Variants in FBN2 observed in about 807,000 individuals in gnomAD.
FBN2 encodes fibrillin-2.
FBN2 carries 105 observed loss-of-function variants against 355.6 expected under a neutral mutation model. The observed-to-expected ratio is 0.30, with a 90% CI of 0.25 to 0.35. FBN2 has a LOEUF of 0.35. Ranked by LOEUF, FBN2 falls within the 10% of genes least tolerant of loss-of-function variation. The probability of loss-of-function intolerance (pLI) is 1.00; values close to 1 mark genes in which losing one functional copy is unlikely to be tolerated. For missense variants in FBN2, 3,280 were observed against 3,758.7 expected (o/e 0.87, Z 3.33); for synonymous variants, 1,350 against 1,301.2 (o/e 1.04, Z -0.81).
intron 5 of FBN2, among the ~76,000 whole-genome samples, chr5:128,495,250 TGAAAAGCA>T (rs1190058135): frequency 2.6e-5 from 4 of 151,914 alleles, no homozygotes; most frequent in African/African-American, 9.7e-5. Context: ...GTATACAATT[TGAAAAGCA>T]GAGGAAAAAA....
Position 128,259,299 on chromosome 5 carries a change from C to T in FBN2, c.*156G>A, listed in dbSNP as rs1191394923. 2 of 963,432 alleles carry T rather than the reference C, an allele frequency of 2.1e-6. No individual in the cohort carries two copies. The highest frequency in any genetic ancestry group is 3.2e-5 in the African/African-American group (2 of 61,594). 59.7% of individuals were successfully genotyped at this position (963,432 alleles called of 1,614,324 possible). ...TGGCCATACCAGAGTCTAAATTATC[C>T]CTCCCTGTGAGGGTCAACATTCAAA... is the stretch of plus-strand genomic sequence containing the variant. On this transcript the variant is annotated 3_prime_UTR_variant, in exon 65 of 65. Transcript: ENST00000262464.
At chr5:128,321,557 CCTGT>C (rs1449731658) in intron 34 of FBN2, among the ~76,000 whole-genome samples, 1 of 152,156 alleles carries the variant, frequency 6.6e-6, no homozygotes, top group Non-Finnish European at 1.5e-5. Flanking sequence ...GTTTTCTGTT[CCTGT>C]CTTAGTTTGC....
intron 20 of FBN2, among the ~76,000 whole-genome samples, chr5:128,356,049 G>T (rs1212301879): frequency 6.6e-6 from 1 of 152,162 alleles, no homozygotes; most frequent in African/African-American, 2.4e-5. Flanking sequence ...CATTTCCTTT[G>T]CATAATAAAA....
At chr5:128,364,840 A>T in intron 17 of FBN2, 115 bp from the exon 18 acceptor site, 1 of 874,668 alleles carries the variant, frequency 1.1e-6, no homozygotes, top group East Asian at 2.6e-5. Flanking sequence ...GCAAACTCAC[A>T]ATTTGCCTGC....
chr5:128,353,185 T>G (rs886821599), intron 20 of FBN2, among the ~76,000 whole-genome samples: 28 of 149,908 alleles, frequency 1.9e-4, no homozygotes, highest in African/African-American at 6.9e-4. Context: ...AAAAAAAAAG[T>G]TTTTACTTCT....
At chr5:128,289,434 A>C (rs2126819822) in intron 51 of FBN2, among the ~76,000 whole-genome samples, 182 bp from the exon 52 acceptor site, 1 of 152,112 alleles carries the variant, frequency 6.6e-6, no homozygotes, top group South Asian at 2.1e-4. Context: ...AAATACAAAA[A>C]AAAATTAGCC....
rs377657220 is a variant in FBN2, at chr5:128,312,698, T to G, written c.4815A>C (p.Ser1605=). 21 of 1,614,012 alleles carry G rather than the reference T, an allele frequency of 1.3e-5. No homozygotes were observed. Among genetic ancestry groups the G allele is most frequent in the Non-Finnish European group, 1.8e-5 (21 of 1,179,988 alleles). The part of the protein sequence containing the change: ...TEIGVGVSRS[S]CCCSLGKAWG... ...AGGCCTTTCCCAGAGAGCAGCAGCA[T>G]GAAGAGCGACTGACGCCCACCCCGA... The change falls in exon 37 of 65, where the codon TCA becomes TCC. Residue 1605 remains serine (S), a synonymous_variant. Coordinates refer to ENST00000262464, the MANE Select transcript of FBN2 (RefSeq NM_001999.4).
At chr5:128,392,249 T>C (rs935639623) in intron 10 of FBN2, 94 bp from the exon 11 acceptor site, 13 of 1,036,278 alleles carry the variant, frequency 1.3e-5, no homozygotes, top group Non-Finnish European at 1.8e-5. Context: ...GTAAATTAAT[T>C]AGATGTATAT....
chr5:128,522,922 A>G (rs371572063), intron 4 of FBN2, among the ~76,000 whole-genome samples: 106 of 152,314 alleles, frequency 7.0e-4, no homozygotes, highest in African/African-American at 2.5e-3. Flanking sequence ...GATGTACTAC[A>G]GATAGAAGTA....
chr5:128,369,234 A>G lies in FBN2; in HGVS notation c.2196T>C (p.Asn732=). The change falls in exon 16 of 65, where the codon AAT becomes AAC. Residue 732 remains asparagine (N), a synonymous_variant. Coordinates refer to ENST00000262464, the MANE Select transcript of FBN2 (RefSeq NM_001999.4). ...AVTKSECCCA[N]PDYGFGEPCQ... is the part of the protein sequence containing the mutation. Reference sequence around the variant, plus strand: ...AGGGTTCTCCAAAACCATAGTCTGGATTGGCACAGCAGCATTCGGACTTGG... The same window carrying G: ...AGGGTTCTCCAAAACCATAGTCTGGGTTGGCACAGCAGCATTCGGACTTGG... 1 of 1,614,168 alleles carries G rather than the reference A, an allele frequency of 6.2e-7. No individual in the cohort carries two copies. Among genetic ancestry groups the G allele is most frequent in the Non-Finnish European group, 8.5e-7 (1 of 1,180,028 alleles).
chr5:128,291,003 T>C (rs1438224014), intron 49 of FBN2, 119 bp from the exon 50 acceptor site: 3 of 880,654 alleles, frequency 3.4e-6, no homozygotes, highest in Non-Finnish European at 5.4e-6. Flanking sequence ...GGTCTGGAAA[T>C]CTTCGATTGC....
At chr5:128,491,565 G>A (rs1755505361) in intron 5 of FBN2, among the ~76,000 whole-genome samples, 1 of 152,188 alleles carries the variant, frequency 6.6e-6, no homozygotes, top group Non-Finnish European at 1.5e-5. Context: ...TAAGCTTACG[G>A]CTTTGACACA....
chr5:128,471,683 G>C (rs1185040320), intron 5 of FBN2, among the ~76,000 whole-genome samples: 1 of 152,060 alleles, frequency 6.6e-6, no homozygotes, highest in East Asian at 1.9e-4. Context: ...TAATGCATGA[G>C]AGACTGCCTT....
intron 46 of FBN2, 118 bp from the exon 47 acceptor site, chr5:128,301,628 ACTC>A (rs1295404702): frequency 3.2e-6 from 3 of 947,392 alleles, no homozygotes; most frequent in Non-Finnish European, 5.1e-6. Context: ...CCATATTACA[ACTC>A]CTCATCAACA....
In FBN2 at chr5:128,411,442, G is replaced by GCGGA. The variant is rs1279589598; in HGVS notation, c.953-2647_953-2644dup. Among the ~76,000 whole-genome samples the GCGGA allele has an allele frequency of 9.2e-5, 14 of 152,308 alleles. No homozygotes were observed. The East Asian group carries it at 2.7e-3, about 29-fold the overall frequency. On this transcript the variant is annotated intron_variant, in intron 7 of 64. Coordinates refer to ENST00000262464, the MANE Select transcript of FBN2 (RefSeq NM_001999.4). ...TTTCAGTGGGATGGGGAGGTGGAAAGCGGACGGAGTGGGAAGATTATCTTC... is the reference window on the plus strand; with the variant it reads ...TTTCAGTGGGATGGGGAGGTGGAAAGCGGACGGACGGAGTGGGAAGATTATCTTC...
In FBN2 at chr5:128,261,834, C is replaced by A. The variant is rs1227654481; in HGVS notation, c.8266G>T (p.Ala2756Ser). 1 of 1,613,836 alleles carries A rather than the reference C, an allele frequency of 6.2e-7. No homozygotes were observed. Among genetic ancestry groups the A allele is most frequent in the Non-Finnish European group, 8.5e-7 (1 of 1,179,804 alleles). Residue 2756 changes from alanine (A) to serine (S), a missense_variant, in exon 64 of 65, where the codon GCT (alanine) becomes TCT (serine). By Grantham distance (99) the Ala-to-Ser change is moderately conservative. Transcript: ENST00000262464. The stretch of plus-strand genomic sequence containing the variant: ...TCGTAGCATGCTTCTGGGGACAGAG[C>A]ATTTTCCTCATCGACCTCTGTATCC... ...SLDTEVDEENALSPEACYECK... is the reference protein window; with the variant it reads ...SLDTEVDEENSLSPEACYECK...
At chr5:128,419,490 A>AT (rs1753289320) in intron 7 of FBN2, among the ~76,000 whole-genome samples, 1 of 150,902 alleles carries the variant, frequency 6.6e-6, no homozygotes, top group Admixed American at 6.6e-5. Flanking sequence ...TTCTATTCTT[A>AT]TTTTTTTCTT....
chr5:128,355,383 A>T (rs989824885), intron 20 of FBN2, among the ~76,000 whole-genome samples: 5 of 152,230 alleles, frequency 3.3e-5, no homozygotes, highest in Admixed American at 6.5e-5. Flanking sequence ...ATTACATTTA[A>T]CCATATTCAA....
intron 5 of FBN2, among the ~76,000 whole-genome samples, chr5:128,489,066 G>A (rs1457297254): frequency 2.6e-5 from 4 of 151,918 alleles, no homozygotes; most frequent in Non-Finnish European, 5.9e-5. Context: ...GATCCCTGAG[G>A]AATCGCCGCA....
Sources: gnomAD v4.1 joint callset for allele counts (sites outside exome capture counted in the v4.1 genomes callset) on GRCh38, gnomAD v4.1.1 for gene constraint, MANE v1.5 for transcripts, NCBI Gene and HGNC (gene_info 2026-07-23, HGNC 2026-07-21) for gene names.